Variants in RAB20 observed in about 807,000 individuals in gnomAD.
The protein encoded by RAB20 is ras-related protein Rab-20.
RAB20 carries 2 observed loss-of-function variants against 3.7 expected under a neutral mutation model. The observed-to-expected ratio is 0.54, with a 90% CI of 0.22 to 1.69. The LOEUF is 1.69. Among genes scored for constraint, RAB20 ranks in the 40% most tolerant of loss-of-function variants. The probability of loss-of-function intolerance (pLI) is 0.19; values close to 1 mark genes in which losing one functional copy is unlikely to be tolerated. For missense variants in RAB20, 276 were observed against 311.9 expected, an observed-to-expected ratio of 0.88 and a Z score of 0.87; for synonymous variants, 126 against 130.8, an observed-to-expected ratio of 0.96 and a Z score of 0.25.
At chr13:110,545,362 T>C (rs1884834068) in intron 1 of RAB20, among the ~76,000 whole-genome samples, 1 of 152,218 alleles carries the variant, frequency 6.6e-6, no homozygotes, top group Non-Finnish European at 1.5e-5. Flanking sequence ...TAAATAAGTG[T>C]ATTATGTCTC....
intron 1 of RAB20, among the ~76,000 whole-genome samples, chr13:110,528,777 A>G (rs1884476950): frequency 6.6e-6 from 1 of 152,238 alleles, no homozygotes; most frequent in Non-Finnish European, 1.5e-5. Context: ...TAATAATATA[A>G]AAGGAAAGAT....
intron 1 of RAB20, among the ~76,000 whole-genome samples, chr13:110,549,362 T>C (rs890178219): frequency 6.6e-5 from 10 of 152,262 alleles, no homozygotes; most frequent in South Asian, 2.1e-4. Flanking sequence ...CCCTTTGGCA[T>C]TTCCGAATTT....
intron 1 of RAB20, among the ~76,000 whole-genome samples, chr13:110,540,737 C>T (rs1016650430): frequency 1.8e-4 from 13 of 73,378 alleles, no homozygotes; most frequent in African/African-American, 3.0e-4. Context: ...AGTGAAACTC[C>T]GTCTCAAAAA....
At chr13:110,559,519 G>GT (rs1404841920) in intron 1 of RAB20, among the ~76,000 whole-genome samples, 1 of 152,194 alleles carries the variant, frequency 6.6e-6, no homozygotes, top group Non-Finnish European at 1.5e-5. Flanking sequence ...GGTGCCCTGT[G>GT]TCCCTGCCAA....
Position 110,529,539 on chromosome 13 carries a change from G to A in RAB20, c.173-5342C>T, listed in dbSNP as rs372301957. On this transcript the variant is annotated intron_variant, in intron 1 of 1. Transcript: ENST00000267328. ...AAACAGCCTCAGGTCCAATTCTGGG[G>A]ATGCCAGAGCCCCAGGCTGCCCCAG... 9.8e-5 allele frequency among the ~76,000 whole-genome samples: 15 copies of A among 152,326 alleles called. No homozygotes were observed. The East Asian group carries it at 1.5e-3, about 16-fold the overall frequency.
chr13:110,542,797 C>T (rs568293061), intron 1 of RAB20, among the ~76,000 whole-genome samples: 1 of 152,312 alleles, frequency 6.6e-6, no homozygotes, highest in East Asian at 1.9e-4. Flanking sequence ...ATACTGATTT[C>T]CTTTCTTCTA....
chr13:110,558,170 C>T (rs1885070580), intron 1 of RAB20, among the ~76,000 whole-genome samples: 1 of 152,208 alleles, frequency 6.6e-6, no homozygotes, highest in Admixed American at 6.5e-5. Flanking sequence ...CACAGCAGTA[C>T]GTCTTCTAGG....
intron 1 of RAB20, among the ~76,000 whole-genome samples, chr13:110,560,427 G>A (rs1372576967): frequency 6.6e-6 from 1 of 152,152 alleles, no homozygotes; most frequent in Non-Finnish European, 1.5e-5. Flanking sequence ...CACCCAAGAT[G>A]GCAATTTAAG....
chr13:110,533,816 A>G (rs1347125399), intron 1 of RAB20, among the ~76,000 whole-genome samples: 1 of 152,260 alleles, frequency 6.6e-6, no homozygotes, highest in African/African-American at 2.4e-5. Context: ...AAGGCCCACA[A>G]GAGTCCCTGG....
At chr13:110,529,457 T>C (rs926528320) in intron 1 of RAB20, among the ~76,000 whole-genome samples, 1 of 152,166 alleles carries the variant, frequency 6.6e-6, no homozygotes, top group African/African-American at 2.4e-5. Context: ...TCAGTACCAA[T>C]CGTGAAGCCA....
chr13:110,560,150 G>A (rs1885105528), intron 1 of RAB20, among the ~76,000 whole-genome samples: 3 of 152,188 alleles, frequency 2.0e-5, no homozygotes, highest in South Asian at 4.1e-4. Flanking sequence ...CAGTGTGAGG[G>A]AGTCAGCTCA....
chr13:110,531,244 G>C (rs564504252), intron 1 of RAB20, among the ~76,000 whole-genome samples: 1 of 152,332 alleles, frequency 6.6e-6, no homozygotes, highest in East Asian at 1.9e-4. Context: ...ACCACCCCCA[G>C]AGGCAGAGGA....
At chr13:110,553,495 A>T (rs1360316523) in intron 1 of RAB20, among the ~76,000 whole-genome samples, 1 of 152,136 alleles carries the variant, frequency 6.6e-6, no homozygotes, top group South Asian at 2.1e-4. Flanking sequence ...GCCAGATAGT[A>T]AATATGTTTG....
intron 1 of RAB20, 56 bp downstream of exon 1, chr13:110,561,291 GC>G: frequency 5.4e-6 from 8 of 1,483,632 alleles, no homozygotes; most frequent in Admixed American, 2.5e-5. Flanking sequence ...GAAGCCCCGC[GC>G]CCCCCGTCCC....
chr13:110,553,895 C>T (rs911966264), intron 1 of RAB20, among the ~76,000 whole-genome samples: 3 of 152,214 alleles, frequency 2.0e-5, no homozygotes, highest in Admixed American at 1.3e-4. Flanking sequence ...GTAGGAAGAT[C>T]ACTTTAGCCC....
In RAB20 at chr13:110,559,380, G is replaced by A. The variant is rs139834214; in HGVS notation, c.172+1968C>T. The stretch of plus-strand genomic sequence containing the variant: ...AAAGTTTAGGAGCTCAGCAAAAGAA[G>A]GAAAAGAACAGGGTCCCCTAAATGT... On this transcript the variant is annotated intron_variant, in intron 1 of 1. Transcript: ENST00000267328. 1.3e-3 allele frequency among the ~76,000 whole-genome samples: 195 copies of A among 152,272 alleles called. 2 individuals are homozygous for A. The highest frequency in any genetic ancestry group is 4.4e-3 in the African/African-American group (182 of 41,548).
At chr13:110,532,155 G>T (rs1229938229) in intron 1 of RAB20, among the ~76,000 whole-genome samples, 2 of 152,222 alleles carry the variant, frequency 1.3e-5, no homozygotes, top group Non-Finnish European at 2.9e-5. Context: ...TGACCCAGCT[G>T]CCAGGGCAAG....
At chr13:110,536,655 G>A (rs970038932) in intron 1 of RAB20, among the ~76,000 whole-genome samples, 3 of 123,048 alleles carry the variant, frequency 2.4e-5, no homozygotes, top group Admixed American at 2.3e-4. Flanking sequence ...AGAACTGCTC[G>A]CTTCCTGAAA....
At chr13:110,527,667 A>C (rs1884453026) in intron 1 of RAB20, among the ~76,000 whole-genome samples, 1 of 152,174 alleles carries the variant, frequency 6.6e-6, no homozygotes, top group Non-Finnish European at 1.5e-5. Flanking sequence ...CTTCAGACTG[A>C]GAAGTCAATC....
Sources: gnomAD v4.1 joint callset for allele counts (sites outside exome capture counted in the v4.1 genomes callset) on GRCh38, gnomAD v4.1.1 for gene constraint, MANE v1.5 for transcripts, NCBI Gene and HGNC (gene_info 2026-07-23, HGNC 2026-07-21) for gene names.